Variants in CFAP126 observed in about 807,000 individuals in gnomAD.
The protein encoded by CFAP126 is protein Flattop.
CFAP126 carries 21 observed loss-of-function variants against 17.1 expected under a neutral mutation model. The observed-to-expected ratio is 1.23, with a 90% CI of 0.87 to 1.77. The LOEUF (loss-of-function observed/expected upper bound fraction) is 1.77, where lower values mean the gene tolerates loss of function less well. Ranked by LOEUF, CFAP126 falls within the 40% of genes most tolerant of loss-of-function variation. CFAP126 has a pLI of 0.00. For missense variants in CFAP126, 174 were observed against 215.4 expected (o/e 0.81, Z 1.20); for synonymous variants, 65 against 73.5 (o/e 0.88, Z 0.59).
Position 161,365,153 on chromosome 1 carries a change from G to C in CFAP126, c.349-3C>G. ...TTCTGACTGTCTGGATCATGGGGCT[G>C]TCAGTGATAAGAGTGGGAGAGATAG... On this transcript the variant is annotated splice_polypyrimidine_tract_variant and splice_region_variant and intron_variant, in intron 4 of 4. Coordinates refer to ENST00000367974, the MANE Select transcript of CFAP126 (RefSeq NM_001013625.4). 1 of 1,613,886 alleles carries C rather than the reference G, an allele frequency of 6.2e-7. No homozygotes were observed. Among genetic ancestry groups the C allele is most frequent in the Non-Finnish European group, 8.5e-7 (1 of 1,179,770 alleles).
At position 161,365,526 on chromosome 1, in the gene CFAP126, C is replaced by T. The variant is rs1302247034; in HGVS notation, c.348G>A (p.Lys116=). Residue 116 remains lysine, a splice_region_variant and synonymous_variant, in exon 4 of 5, where the codon AAG becomes AAA. Transcript: ENST00000367974. ...TGGGTTAGATGGGAAGAATAGATACCTTGCCTAAGATTTCAGGACACAGCC... is the reference window on the plus strand; with the variant it reads ...TGGGTTAGATGGGAAGAATAGATACTTTGCCTAAGATTTCAGGACACAGCC... ...SNGLCPEILG[K]PHDPDSQKKL... 6.2e-7 allele frequency: 1 copy of T among 1,614,014 alleles called. No individual in the cohort carries two copies. The highest frequency in any genetic ancestry group is 1.3e-5 in the African/African-American group (1 of 75,028).
Position 161,364,792 on chromosome 1 carries a change from T to C in CFAP126, c.*173A>G, listed in dbSNP as rs533198944. The C allele has an allele frequency of 1.7e-6, 1 of 597,452 alleles. No individual in the cohort carries two copies. 37.0% of individuals were successfully genotyped at this position (597,452 alleles called of 1,614,324 possible). ...TTGCTTTTACTCCCACCCCAAAATT[T>C]CCCTGTTTCACAGTTCTGACTGGGG... is the stretch of plus-strand genomic sequence containing the variant. On this transcript the variant is annotated 3_prime_UTR_variant, in exon 5 of 5. Coordinates refer to ENST00000367974, the MANE Select transcript of CFAP126 (RefSeq NM_001013625.4).
At chr1:161,367,638 C>T in intron 1 of CFAP126, 2 of 432,700 alleles carry the variant, frequency 4.6e-6, no homozygotes, top group Non-Finnish European at 8.1e-6. Flanking sequence ...AAATTGCCAA[C>T]TTCTGGTTTA....
In CFAP126 at chr1:161,364,762, C is replaced by T. The variant is rs1237575063; in HGVS notation, c.*203G>A. The T allele has an allele frequency of 3.8e-6, 2 of 523,706 alleles. No homozygotes were observed. Among genetic ancestry groups the T allele is most frequent in the Non-Finnish European group, 6.6e-6 (2 of 301,134 alleles). The allele number at this position is 523,706 out of a possible 1,614,324, so 32.4% of individuals were successfully genotyped here. On this transcript the variant is annotated 3_prime_UTR_variant, in exon 5 of 5. Coordinates refer to ENST00000367974, the MANE Select transcript of CFAP126 (RefSeq NM_001013625.4). Reference sequence around the variant, plus strand: ...ATTCAACAAAAAAAAGTTTATTTTCCAAATTTGCTTTTACTCCCACCCCAA... The same window carrying T: ...ATTCAACAAAAAAAAGTTTATTTTCTAAATTTGCTTTTACTCCCACCCCAA...
At chr1:161,365,269 C>T (rs1224229262) in intron 4 of CFAP126, 119 bp from the exon 5 acceptor site, 2 of 1,118,130 alleles carry the variant, frequency 1.8e-6, no homozygotes, top group African/African-American at 3.2e-5. Flanking sequence ...GATCAAGTTT[C>T]AAATAAGAAA....
intron 3 of CFAP126, 136 bp from the exon 4 acceptor site, chr1:161,365,838 T>C: frequency 1.2e-6 from 1 of 857,512 alleles, no homozygotes; most frequent in East Asian, 2.6e-5. Context: ...TTCCCACCCT[T>C]CCTTATCCCC....
chr1:161,367,694 C>A (rs918171548), intron 1 of CFAP126, 148 bp downstream of exon 1: 5 of 736,806 alleles, frequency 6.8e-6, no homozygotes, highest in Non-Finnish European at 1.1e-5. Context: ...CGCCCCTGGG[C>A]TCTCTCTATC....
Position 161,365,025 on chromosome 1 carries a change from G to C in CFAP126, c.474C>G (p.Leu158=), listed in dbSNP as rs571556048. 14 of 1,614,212 alleles carry C rather than the reference G, an allele frequency of 8.7e-6. No homozygotes were observed. The East Asian group carries it at 2.5e-4, about 28-fold the overall frequency. Residue 158 remains leucine (L), a synonymous_variant, in exon 5 of 5, where the codon CTC becomes CTG. Transcript: ENST00000367974. ...PAANLNSPDE[L]QSSHPSAGHT... is the part of the protein sequence containing the mutation. ...GACCTGCAGAGGGGTGTGAGCTTTGGAGTTCATCTGGGGAATTGAGGTTGG... is the reference window on the plus strand; with the variant it reads ...GACCTGCAGAGGGGTGTGAGCTTTGCAGTTCATCTGGGGAATTGAGGTTGG...
Position 161,366,253 on chromosome 1 carries a change from G to A in CFAP126, c.116C>T (p.Thr39Ile). 1.2e-6 allele frequency: 2 copies of A among 1,613,954 alleles called. No homozygotes were observed. Among genetic ancestry groups the A allele is most frequent in the Non-Finnish European group, 1.7e-6 (2 of 1,179,826 alleles). The change falls in exon 3 of 5, where the codon ACT (threonine) becomes ATT (isoleucine). Residue 39 changes from threonine (T) to isoleucine (I), a missense_variant. Coordinates refer to ENST00000367974, the MANE Select transcript of CFAP126 (RefSeq NM_001013625.4). ...KESISSHEGY[T>I]QIIANDRGHL... ...ACCACGATCGTTGGCAATAATTTGA[G>A]TGTAGCCTTCATGAGAAGAGATGCT...
chr1:161,365,947 A>G (rs1391357475), intron 3 of CFAP126: 7 of 603,202 alleles, frequency 1.2e-5, no homozygotes, highest in Non-Finnish European at 2.0e-5. Context: ...AGGAGTACCC[A>G]CTGCACAAAT....
In CFAP126 at chr1:161,364,967, A is replaced by C. The variant is rs997494175; in HGVS notation, c.532T>G (p.Ter178GluextTer16). ...TPGPQRPAKS[*>E] Reference sequence around the variant, plus strand: ...TACGTGGACTTCCAGGTGGGCTCTTAGGATTTGGCTGGTCTTTGGGGACCT... The same window carrying C: ...TACGTGGACTTCCAGGTGGGCTCTTCGGATTTGGCTGGTCTTTGGGGACCT... The change falls in exon 5 of 5, where the codon TAA (stop) becomes GAA (glutamate). Residue 178 changes from the stop codon to glutamate (E), a stop_lost. Coordinates refer to ENST00000367974, the MANE Select transcript of CFAP126 (RefSeq NM_001013625.4). 5.0e-6 allele frequency: 8 copies of C among 1,613,828 alleles called. No individual in the cohort carries two copies. Among genetic ancestry groups the C allele is most frequent in the Non-Finnish European group, 6.8e-6 (8 of 1,179,838 alleles).
chr1:161,365,196 C>T (rs1341542432), intron 4 of CFAP126, 46 bp from the exon 5 acceptor site: 1 of 1,574,420 alleles, frequency 6.4e-7, no homozygotes, highest in Non-Finnish European at 8.7e-7. Context: ...TCTGGTCAGG[C>T]CCGGATCATT....
intron 4 of CFAP126, 135 bp downstream of exon 4, chr1:161,365,391 A>G: frequency 9.2e-7 from 1 of 1,089,496 alleles, no homozygotes. Context: ...AAGGTGATTA[A>G]GGACTAGTCA....
rs1199821044 is a variant in CFAP126 at position 161,366,449 on chromosome 1, G to A, written c.80C>T (p.Pro27Leu). 3 of 1,613,762 alleles carry A rather than the reference G, an allele frequency of 1.9e-6. No individual in the cohort carries two copies. In the African/African-American group the frequency reaches 4.0e-5, roughly 22 times the overall value. Reference sequence around the variant, plus strand: ...CTGAACATGGAATACCTCTTTTGTTGGCTTAGTGGGAGACCAGTTCTGCAG... The same window carrying A: ...CTGAACATGGAATACCTCTTTTGTTAGCTTAGTGGGAGACCAGTTCTGCAG... ...KYLQNWSPTK[P>L]TKESISSHEG... Residue 27 changes from proline (P) to leucine (L), a missense_variant, in exon 2 of 5, where the codon CCA becomes CTA. Physicochemically the swap from Pro to Leu is moderately conservative, Grantham distance 98 (BLOSUM62 -3). Coordinates refer to ENST00000367974, the MANE Select transcript of CFAP126 (RefSeq NM_001013625.4).
intron 1 of CFAP126, chr1:161,366,954 T>G (rs909810832): frequency 5.6e-6 from 1 of 177,866 alleles, no homozygotes; most frequent in Non-Finnish European, 1.2e-5. Context: ...TTAAATTTAC[T>G]TGTAGAGACG....
chr1:161,365,071 A>G lies in CFAP126; in HGVS notation c.428T>C (p.Ile143Thr), dbSNP rs1167605205. 3.7e-6 allele frequency: 6 copies of G among 1,613,936 alleles called. No individual in the cohort carries two copies. The highest frequency in any genetic ancestry group is 1.3e-5 in the African/African-American group (1 of 74,874). The change falls in exon 5 of 5, where the codon ATA becomes ACA. Residue 143 changes from isoleucine to threonine, a missense_variant. Physicochemically the swap from Ile to Thr is moderately conservative, Grantham distance 89. Transcript: ENST00000367974. Reference protein sequence around the residue: ...KTVQQARSPTIIPSSPAANLN... With the variant: ...KTVQQARSPTTIPSSPAANLN... ...GTTGGCAGCTGGGGAGCTTGGAATT[A>G]TGGTTGGACTTCGTGCTTGTTGTAC...
chr1:161,365,754 C>A, intron 3 of CFAP126, 52 bp from the exon 4 acceptor site: 1 of 1,435,778 alleles, frequency 7.0e-7, no homozygotes, highest in South Asian at 1.4e-5. Flanking sequence ...CAGTAACTGA[C>A]TTAGACCTCT....
chr1:161,367,698 C>G (rs1048385166), intron 1 of CFAP126, 144 bp downstream of exon 1: 10 of 798,196 alleles, frequency 1.3e-5, no homozygotes, highest in Non-Finnish European at 1.7e-5. Context: ...CCTGGGCTCT[C>G]TCTATCCCTG....
Position 161,365,137 on chromosome 1 carries a change from T to A in CFAP126, c.362A>T (p.Asp121Val), listed in dbSNP as rs1011405921. 2 of 1,614,102 alleles carry A rather than the reference T, an allele frequency of 1.2e-6. No individual in the cohort carries two copies. The highest frequency in any genetic ancestry group is 1.1e-5 in the South Asian group (1 of 91,082). ...CTTCTTTCTGAGTTTCTTCTGACTG[T>A]CTGGATCATGGGGCTGTCAGTGATA... ...PEILGKPHDP[D>V]SQKKLRKKSI... The change falls in exon 5 of 5, where the codon GAC becomes GTC. Residue 121 changes from aspartate to valine, a missense_variant. By Grantham distance (152) the Asp-to-Val change is radical. Coordinates refer to ENST00000367974, the MANE Select transcript of CFAP126 (RefSeq NM_001013625.4).
Sources: gnomAD v4.1 joint callset for allele counts on GRCh38, gnomAD v4.1.1 for gene constraint, MANE v1.5 for transcripts, NCBI Gene and HGNC (gene_info 2026-07-23, HGNC 2026-07-21) for gene names.